EVI5L: variants seen among roughly 807,000 people sequenced by gnomAD.
EVI5L encodes ecotropic viral integration site 5 like.
A neutral mutation model predicts 106.1 loss-of-function variants in EVI5L; 30 were observed. The observed-to-expected ratio is 0.28, with a 90% CI of 0.21 to 0.38. The LOEUF (loss-of-function observed/expected upper bound fraction) is 0.38. Ranked by LOEUF, EVI5L falls within the 10% of genes least tolerant of loss-of-function variation. The pLI, the probability that EVI5L is intolerant of heterozygous loss-of-function variation, is 1.00. For missense variants in EVI5L, 809 were observed against 1,098.0 expected (o/e 0.74, Z 3.72); for synonymous variants, 489 against 483.3 (o/e 1.01, Z -0.15).
At chr19:7,836,794 A>ATG (rs1266727137) in intron 1 of EVI5L, among the ~76,000 whole-genome samples, 1 of 151,262 alleles carries the variant, frequency 6.6e-6, no homozygotes, top group East Asian at 2.0e-4. Flanking sequence ...CTAATTTTGT[A>ATG]TGTGTGTGTG....
In EVI5L at chr19:7,862,662, C is replaced by CA. The variant is rs1420968692; in HGVS notation, c.1947+128_1947+129insA. On this transcript the variant is annotated intron_variant, in intron 17 of 19. Transcript: ENST00000538904. ...GATCTGCCCCTGCCCGCGGTCCTCCCGCCCCCGCCCGCGGCCCCGCCTCCT... is the reference window on the plus strand; with the variant it reads ...GATCTGCCCCTGCCCGCGGTCCTCCCAGCCCCCGCCCGCGGCCCCGCCTCCT... 4.9e-6 allele frequency: 4 copies of CA among 821,082 alleles called. No homozygotes were observed. The African/African-American group carries it at 7.6e-5, about 16-fold the overall frequency. The allele number at this position is 821,082 out of a possible 1,614,324, so 50.9% of individuals were successfully genotyped here. A position where few individuals can be genotyped will look rare whatever the true frequency, so the allele number is the denominator to read the frequency against.
At chr19:7,846,354 TG>T in intron 1 of EVI5L, 141 bp from the exon 2 acceptor site, 2 of 673,816 alleles carry the variant, frequency 3.0e-6, no homozygotes, top group Non-Finnish European at 4.7e-6. Context: ...TCAGCTGGGC[TG>T]GGGCGCATGG....
chr19:7,846,117 C>T (rs761619862), intron 1 of EVI5L, among the ~76,000 whole-genome samples: 1 of 152,194 alleles, frequency 6.6e-6, no homozygotes, highest in Non-Finnish European at 1.5e-5. Context: ...TCCTGCACCC[C>T]GAGGTCCCAG....
At chr19:7,831,055 A>G (rs1978291633) in intron 1 of EVI5L, among the ~76,000 whole-genome samples, 1 of 149,400 alleles carries the variant, frequency 6.7e-6, no homozygotes, top group Non-Finnish European at 1.5e-5. Context: ...GCACCCCTAA[A>G]CACCACTCCC....
intron 1 of EVI5L, among the ~76,000 whole-genome samples, chr19:7,834,302 C>T (rs923162066): frequency 6.6e-6 from 1 of 152,082 alleles, no homozygotes; most frequent in African/African-American, 2.4e-5. Context: ...CCAGCCTGGG[C>T]AACAGAGCGA....
At chr19:7,831,243 A>ACACACG (rs1555690862) in intron 1 of EVI5L, among the ~76,000 whole-genome samples, 2 of 100,718 alleles carry the variant, frequency 2.0e-5, no homozygotes, top group Non-Finnish European at 4.1e-5. Flanking sequence ...ACACACACAC[A>ACACACG]CACACACACA....
intron 1 of EVI5L, among the ~76,000 whole-genome samples, chr19:7,831,221 C>A (rs1978292019): frequency 8.1e-6 from 1 of 123,862 alleles, no homozygotes; most frequent in African/African-American, 3.3e-5. Flanking sequence ...TTTCTGAAAA[C>A]CCCAAACACA....
In EVI5L at chr19:7,850,776, A is replaced by G. The variant is rs1979207750; in HGVS notation, c.753+654A>G. 6.6e-6 allele frequency among the ~76,000 whole-genome samples: 1 copy of G among 152,114 alleles called. No homozygotes were observed. The highest frequency in any genetic ancestry group is 2.4e-5 in the African/African-American group (1 of 41,424). On this transcript the variant is annotated intron_variant, in intron 6 of 19. Coordinates refer to ENST00000538904, the MANE Select transcript of EVI5L (RefSeq NM_001159944.3). The surrounding 1 kb of genome is among the most constrained non-coding windows in gnomAD (Gnocchi z 5.4). ...AAGCAGGAGGCCTGGGCTGCAGAGA[A>G]GGCACCACCCCACCTCAGGCTGGGT...
chr19:7,849,933 G>A (rs962676419), intron 5 of EVI5L, 64 bp from the exon 6 acceptor site: 12 of 1,399,262 alleles, frequency 8.6e-6, no homozygotes, highest in African/African-American at 2.8e-5. Flanking sequence ...GGGCCCTGAT[G>A]AGCAGCGAGA....
chr19:7,854,826 C>T (rs1052633513), intron 10 of EVI5L, among the ~76,000 whole-genome samples: 1 of 152,170 alleles, frequency 6.6e-6, no homozygotes, highest in African/African-American at 2.4e-5. Flanking sequence ...AGTTTCCCCA[C>T]ATGACATGCA....
In EVI5L at chr19:7,863,709, G is replaced by C; in HGVS notation, c.*7G>C. On this transcript the variant is annotated 3_prime_UTR_variant, in exon 20 of 20. Coordinates refer to ENST00000538904, the MANE Select transcript of EVI5L (RefSeq NM_001159944.3). The surrounding 1 kb of genome is among the most constrained non-coding windows in gnomAD (Gnocchi z 7.7). ...CCAGGGTCTGGACAACTGAGGCCAT[G>C]CCCAGCGCGCCCGGAGTCAGGAGGC... 1 of 1,456,284 alleles carries C rather than the reference G, an allele frequency of 6.9e-7. No individual in the cohort carries two copies. The highest frequency in any genetic ancestry group is 9.0e-7 in the Non-Finnish European group (1 of 1,108,396). The allele number at this position is 1,456,284 out of a possible 1,614,324, so 90.2% of individuals were successfully genotyped here.
chr19:7,851,411 CA>C (rs1979245221), intron 6 of EVI5L, 22 bp from the exon 7 acceptor site: 1 of 1,603,206 alleles, frequency 6.2e-7, no homozygotes, highest in African/African-American at 1.3e-5. Context: ...TCACTGTGCC[CA>C]CCCGGCCTCC....
intron 2 of EVI5L, among the ~76,000 whole-genome samples, chr19:7,847,340 C>A (rs1978999521): frequency 6.6e-6 from 1 of 151,956 alleles, no homozygotes; most frequent in Non-Finnish European, 1.5e-5. Flanking sequence ...GTAATCCCAG[C>A]AGTTTAGGAG....
Position 7,848,879 on chromosome 19 carries a change from C to T in EVI5L, c.328-42C>T. The T allele has an allele frequency of 1.3e-6, 2 of 1,583,800 alleles. No individual in the cohort carries two copies. Among genetic ancestry groups the T allele is most frequent in the Non-Finnish European group, 1.7e-6 (2 of 1,161,242 alleles). ...GCTGGGTGGCCACGGGGAGGCTGCG[C>T]TGGGACCGAGTCCAGCCCCCGCTTC... On this transcript the variant is annotated intron_variant, in intron 3 of 19. Transcript: ENST00000538904. The surrounding 1 kb of genome is among the most constrained non-coding windows in gnomAD (Gnocchi z 4.8).
chr19:7,837,439 G>A lies in EVI5L; in HGVS notation c.-48+7058G>A, dbSNP rs116524623. Among the ~76,000 whole-genome samples the A allele has an allele frequency of 4.4e-3, 677 of 152,304 alleles. 6 individuals carry two copies. The highest frequency in any genetic ancestry group is 0.016 in the African/African-American group (651 of 41,582). On this transcript the variant is annotated intron_variant, in intron 1 of 19. Coordinates refer to ENST00000538904, the MANE Select transcript of EVI5L (RefSeq NM_001159944.3). ...AGAGTTTCCATATGCCCCATACCCA[G>A]TCTCCTCTATAGTTAATGTCTTCCA...
Position 7,857,491 on chromosome 19 carries a change from T to TGCACACACACACAC in EVI5L, c.1233+378_1233+391dup, listed in dbSNP as rs1316652579. 2.3e-6 allele frequency: 1 copy of TGCACACACACACAC among 436,078 alleles called. No homozygotes were observed. Among genetic ancestry groups the TGCACACACACACAC allele is most frequent in the Non-Finnish European group, 4.3e-6 (1 of 235,014 alleles). 27.0% of individuals were successfully genotyped at this position (436,078 alleles called of 1,614,324 possible). A position where few individuals can be genotyped will look rare whatever the true frequency, so the allele number is the denominator to read the frequency against. ...TGCGGTCACACACACACACAACACA[T>TGCACACACACACAC]GCACACACACACACGCACACACACG... On this transcript the variant is annotated intron_variant, in intron 12 of 19. Transcript: ENST00000538904. The surrounding 1 kb of genome is among the most constrained non-coding windows in gnomAD (Gnocchi z 4.5).
In EVI5L at chr19:7,850,047, C is replaced by T; in HGVS notation, c.678C>T (p.Tyr226=). Residue 226 remains tyrosine (Y), a synonymous_variant, in exon 6 of 20, where the codon TAC becomes TAT. Transcript: ENST00000538904. This position sits in a 1 kb window ranked among gnomAD's most constrained non-coding sequence, Gnocchi z 5.4. ...TGTTCGTGCGGCTGATGCAGGAGTACCGGCTGCGGGAGCTCTTCAAACCCA... is the reference window on the plus strand; with the variant it reads ...TGTTCGTGCGGCTGATGCAGGAGTATCGGCTGCGGGAGCTCTTCAAACCCA... ...FCVFVRLMQE[Y]RLRELFKPSM... 1 of 1,604,102 alleles carries T rather than the reference C, an allele frequency of 6.2e-7. No individual in the cohort carries two copies. The highest frequency in any genetic ancestry group is 8.5e-7 in the Non-Finnish European group (1 of 1,175,726).
In EVI5L at chr19:7,863,850, G is replaced by A. The variant is rs1979988216; in HGVS notation, c.*148G>A. The A allele has an allele frequency of 6.9e-6, 8 of 1,166,856 alleles. No homozygotes were observed. The highest frequency in any genetic ancestry group is 1.6e-5 in the African/African-American group (1 of 61,482). The allele number at this position is 1,166,856 out of a possible 1,614,324, so 72.3% of individuals were successfully genotyped here. On this transcript the variant is annotated 3_prime_UTR_variant, in exon 20 of 20. Transcript: ENST00000538904. This position sits in a 1 kb window ranked among gnomAD's most constrained non-coding sequence, Gnocchi z 7.7. The stretch of plus-strand genomic sequence containing the variant: ...CTAAAGCGAGGCCCGGCGAGGCAGC[G>A]CAGAGGGTAGGGTCCGACCTGGGCT...
rs994829874 is a variant in EVI5L at position 7,858,094 on chromosome 19, T to A, written c.1234-97T>A. 4.2e-6 allele frequency: 6 copies of A among 1,443,240 alleles called. No individual in the cohort carries two copies. Among genetic ancestry groups the A allele is most frequent in the Non-Finnish European group, 5.6e-6 (6 of 1,074,884 alleles). The allele number at this position is 1,443,240 out of a possible 1,614,324, so 89.4% of individuals were successfully genotyped here. On this transcript the variant is annotated intron_variant, in intron 12 of 19. Transcript: ENST00000538904. The surrounding 1 kb of genome is among the most constrained non-coding windows in gnomAD (Gnocchi z 5.7). ...GGCCCCCACCTCACTTCCCCCCACCTCCACTCTCTGGGCCTCCCCCTGTGG... is the reference window on the plus strand; with the variant it reads ...GGCCCCCACCTCACTTCCCCCCACCACCACTCTCTGGGCCTCCCCCTGTGG...
Sources: allele counts gnomAD v4.1 joint callset (sites outside exome capture counted in the v4.1 genomes callset), GRCh38; gene constraint gnomAD v4.1.1; non-coding constraint Gnocchi (gnomAD v3.1); transcripts MANE v1.5; gene names NCBI Gene and HGNC (gene_info 2026-07-23, HGNC 2026-07-21).